The following GARIN3 variants were observed in gnomAD, a reference collection of about 807,000 sequenced individuals.
The protein encoded by GARIN3 is golgi associated RAB2 interactor family member 3.
chr5:157,166,237 T>G, the GARIN3 span: 2 of 1,548,202 alleles, frequency 1.3e-6, no homozygotes, highest in Non-Finnish European at 1.7e-6. Flanking sequence ...GGAGAGAAGG[T>G]AACTGCCCAT....
chr5:157,162,321 A>C, the GARIN3 span: 9 of 1,387,482 alleles, frequency 6.5e-6, no homozygotes, highest in Non-Finnish European at 5.8e-6. Flanking sequence ...AAATTCAAGC[A>C]GGAGATTGTA....
At chr5:157,164,721 T>C in the GARIN3 span, among the ~76,000 whole-genome samples, 2 of 152,186 alleles carry the variant, frequency 1.3e-5, no homozygotes, top group Non-Finnish European at 2.9e-5. Flanking sequence ...GGTGTGCTGA[T>C]TGACACAGAA....
the GARIN3 span, chr5:157,162,340 G>C: frequency 6.9e-7 from 1 of 1,452,994 alleles, no homozygotes; most frequent in Non-Finnish European, 9.3e-7. Flanking sequence ...TATTTCTTTT[G>C]GAGTTGTACG....
At chr5:157,162,789 T>A in the GARIN3 span, 1 of 1,614,114 alleles carries the variant, frequency 6.2e-7, no homozygotes, top group South Asian at 1.1e-5. Context: ...AGGAGCCATG[T>A]CGCTTGCCCC....
chr5:157,163,595 A>T, the GARIN3 span: 1 of 1,614,052 alleles, frequency 6.2e-7, no homozygotes. Flanking sequence ...GTGGCTGCAG[A>T]TACATCACAA....
the GARIN3 span, among the ~76,000 whole-genome samples, chr5:157,164,146 C>CTTT: frequency 1.5e-4 from 19 of 127,198 alleles, no homozygotes; most frequent in South Asian, 2.6e-4. Flanking sequence ...AGTCTTTTGT[C>CTTT]TTTTTTTTTT....
the GARIN3 span, chr5:157,162,425 C>A: frequency 6.2e-7 from 1 of 1,603,256 alleles, no homozygotes; most frequent in East Asian, 2.2e-5. Flanking sequence ...GATCCCTGGG[C>A]GGTTGTAGCC....
the GARIN3 span, chr5:157,162,719 C>G: frequency 6.2e-7 from 1 of 1,614,104 alleles, no homozygotes; most frequent in Non-Finnish European, 8.5e-7. Context: ...TGGTTCTTCC[C>G]CAGTTCCTGA....
chr5:157,166,009 T>C, the GARIN3 span: 2 of 1,614,186 alleles, frequency 1.2e-6, no homozygotes, highest in East Asian at 2.2e-5. Flanking sequence ...TTTTTGTTTA[T>C]CTGAATAAAA....
At chr5:157,164,476 C>A in the GARIN3 span, among the ~76,000 whole-genome samples, 1 of 152,202 alleles carries the variant, frequency 6.6e-6, no homozygotes, top group African/African-American at 2.4e-5. Flanking sequence ...GCTCTCATTT[C>A]TTGCCAAGTT....
chr5:157,165,134 G>C, the GARIN3 span, among the ~76,000 whole-genome samples: 1 of 152,310 alleles, frequency 6.6e-6, no homozygotes, highest in South Asian at 2.1e-4. Flanking sequence ...ATATTATTCA[G>C]ATGATGGTTA....
chr5:157,163,700 G>A, the GARIN3 span: 4 of 1,572,768 alleles, frequency 2.5e-6, no homozygotes, highest in South Asian at 3.5e-5. Flanking sequence ...TGAGATGACT[G>A]AAAGGGAGAT....
chr5:157,164,784 A>G, the GARIN3 span, among the ~76,000 whole-genome samples: 1 of 152,006 alleles, frequency 6.6e-6, no homozygotes, highest in East Asian at 1.9e-4. Context: ...TCGAAGAAAG[A>G]CTTCTTCATT....
the GARIN3 span, chr5:157,163,380 AGCACCTGTT>A: frequency 1.2e-6 from 2 of 1,614,096 alleles, no homozygotes; most frequent in East Asian, 4.5e-5. Context: ...CTATGCTCAT[AGCACCTGTT>A]GCAGGACTCA....
the GARIN3 span, chr5:157,162,690 T>A: frequency 1.9e-6 from 3 of 1,614,100 alleles, no homozygotes; most frequent in Non-Finnish European, 2.5e-6. Context: ...TTTGTAAAGC[T>A]CCTGTGCTAG....
the GARIN3 span, among the ~76,000 whole-genome samples, chr5:157,163,922 T>A: frequency 6.6e-6 from 1 of 152,090 alleles, no homozygotes; most frequent in African/African-American, 2.4e-5. Flanking sequence ...CTGGACAGGA[T>A]GGCGCATGCC....
At chr5:157,163,780 G>A in the GARIN3 span, 6 of 1,329,604 alleles carry the variant, frequency 4.5e-6, no homozygotes, top group Admixed American at 2.6e-5. Context: ...CCTGGGTCGG[G>A]TGTGGTGGCT....
the GARIN3 span, chr5:157,165,775 T>C: frequency 1.2e-6 from 2 of 1,613,892 alleles, no homozygotes; most frequent in Non-Finnish European, 1.7e-6. Flanking sequence ...TGATCGTGGA[T>C]GGAGATCTTC....
chr5:157,162,340 G>A, the GARIN3 span: 4 of 1,452,876 alleles, frequency 2.8e-6, no homozygotes, highest in Non-Finnish European at 3.7e-6. Context: ...TATTTCTTTT[G>A]GAGTTGTACG....
Sources: allele counts gnomAD v4.1 joint callset (sites outside exome capture counted in the v4.1 genomes callset), GRCh38; gene constraint gnomAD v4.1.1; transcripts MANE v1.5; gene names NCBI Gene and HGNC (gene_info 2026-07-23, HGNC 2026-07-21).